Variants in CALCR observed in about 807,000 individuals in gnomAD.
The protein encoded by CALCR is calcitonin receptor.
Under a neutral mutation model 59.5 loss-of-function variants are expected in CALCR, and 47 were observed. The observed-to-expected ratio is 0.79, with a 90% confidence interval of 0.63 to 1.01. The LOEUF (loss-of-function observed/expected upper bound fraction) is 1.01. CALCR is among the 50% of genes least tolerant of loss of function. CALCR has a pLI of 0.00. For synonymous variants in CALCR, 213 were observed against 211.3 expected, an observed-to-expected ratio of 1.01 and a Z score of -0.07; for missense variants, 566 against 597.1, an observed-to-expected ratio of 0.95 and a Z score of 0.54.
chr7:93,516,880 G>A (rs988075801), intron 2 of CALCR, among the ~76,000 whole-genome samples: 1 of 151,824 alleles, frequency 6.6e-6, no homozygotes, highest in Admixed American at 6.6e-5. Context: ...GTTTTTAGGA[G>A]ACCACTTTAA....
At chr7:93,482,436 A>C (rs1016911543) in intron 3 of CALCR, among the ~76,000 whole-genome samples, 1 of 151,844 alleles carries the variant, frequency 6.6e-6, no homozygotes, top group Admixed American at 6.6e-5. Flanking sequence ...ATGGAACATG[A>C]TGTCATATAT....
chr7:93,500,427 T>C lies in CALCR; in HGVS notation c.-26-13420A>G, dbSNP rs1801298542. On this transcript the variant is annotated intron_variant, in intron 2 of 13. Transcript: ENST00000426151. ...CATCTGGGGTGTTGTTCAACGTATT[T>C]AACAATTGTTGCCACTGCAACATCC... Among the ~76,000 whole-genome samples the C allele has an allele frequency of 2.0e-5, 3 of 152,002 alleles. No homozygotes were observed. In the South Asian group the frequency reaches 6.2e-4, roughly 31 times the overall value.
At chr7:93,496,767 C>A (rs944554546) in intron 2 of CALCR, among the ~76,000 whole-genome samples, 11 of 151,560 alleles carry the variant, frequency 7.3e-5, no homozygotes, top group Non-Finnish European at 1.5e-4. Context: ...GGCCTAGAAT[C>A]TTTTCAAATA....
intron 2 of CALCR, among the ~76,000 whole-genome samples, chr7:93,541,171 A>G (rs1277497524): frequency 6.6e-6 from 1 of 152,120 alleles, no homozygotes; most frequent in East Asian, 1.9e-4. Flanking sequence ...ATGAAACACT[A>G]AACTTATTAT....
intron 2 of CALCR, among the ~76,000 whole-genome samples, chr7:93,564,755 A>ATT (rs11413086): frequency 3.8e-4 from 56 of 147,248 alleles, no homozygotes; most frequent in South Asian, 1.3e-3. Flanking sequence ...CACCCAGCCA[A>ATT]TTTTTTTTTT....
intron 2 of CALCR, among the ~76,000 whole-genome samples, chr7:93,491,444 G>T (rs1801074699): frequency 6.6e-6 from 1 of 152,000 alleles, no homozygotes; most frequent in Non-Finnish European, 1.5e-5. Flanking sequence ...CGCAGCAAAA[G>T]AAACTATCAT....
At chr7:93,541,855 A>G (rs952313372) in intron 2 of CALCR, among the ~76,000 whole-genome samples, 1 of 152,238 alleles carries the variant, frequency 6.6e-6, no homozygotes, top group Non-Finnish European at 1.5e-5. Flanking sequence ...ACAGTCTGCT[A>G]TAGGGCATTA....
intron 2 of CALCR, among the ~76,000 whole-genome samples, chr7:93,524,055 A>T (rs1317419587): frequency 1.3e-5 from 2 of 152,116 alleles, no homozygotes; most frequent in African/African-American, 4.8e-5. Context: ...TCATCATATT[A>T]GTAGTAATGT....
At chr7:93,560,299 A>G (rs1789715858) in intron 2 of CALCR, among the ~76,000 whole-genome samples, 2 of 152,090 alleles carry the variant, frequency 1.3e-5, no homozygotes, top group Admixed American at 1.3e-4. Context: ...AATTAAAACA[A>G]TGCTCTACCC....
intron 2 of CALCR, among the ~76,000 whole-genome samples, chr7:93,506,291 G>T (rs1183574646): frequency 6.6e-6 from 1 of 152,122 alleles, no homozygotes; most frequent in African/African-American, 2.4e-5. Flanking sequence ...ACTGAAGGAG[G>T]ATTAGGTTTT....
At chr7:93,562,972 T>A (rs186182920) in intron 2 of CALCR, among the ~76,000 whole-genome samples, 2 of 152,096 alleles carry the variant, frequency 1.3e-5, no homozygotes, top group Non-Finnish European at 2.9e-5. Context: ...AAAATTACAT[T>A]AGAAAAGAAA....
At chr7:93,428,233 T>C (rs1799572374) in intron 13 of CALCR, among the ~76,000 whole-genome samples, 1 of 152,226 alleles carries the variant, frequency 6.6e-6, no homozygotes, top group Non-Finnish European at 1.5e-5. Context: ...GTGATTTGTA[T>C]TAACTTATTT....
At chr7:93,494,678 T>C (rs560818749) in intron 2 of CALCR, among the ~76,000 whole-genome samples, 2 of 151,438 alleles carry the variant, frequency 1.3e-5, no homozygotes, top group African/African-American at 2.4e-5. Context: ...CTTGTAGATA[T>C]ATGGTTTTTT....
intron 3 of CALCR, chr7:93,482,684 T>C (rs1016965205): frequency 6.4e-6 from 3 of 470,900 alleles, no homozygotes; most frequent in Admixed American, 4.7e-5. Flanking sequence ...TTTGCTTTAA[T>C]GCAGTTTTAA....
At chr7:93,498,283 A>T (rs1052370146) in intron 2 of CALCR, among the ~76,000 whole-genome samples, 1 of 151,716 alleles carries the variant, frequency 6.6e-6, no homozygotes, top group South Asian at 2.1e-4. Context: ...CTCAATAAGC[A>T]TTCAATGAAT....
chr7:93,430,320 A>G (rs1050791449), intron 13 of CALCR, among the ~76,000 whole-genome samples: 3 of 152,200 alleles, frequency 2.0e-5, no homozygotes, highest in Non-Finnish European at 4.4e-5. Flanking sequence ...AATATTATTT[A>G]CAAAGTTGTT....
rs1466204522 is a variant in CALCR, at chr7:93,477,653, C to T, written c.221G>A (p.Arg74His). The change falls in exon 5 of 14, where the codon CGC becomes CAC. Residue 74 changes from arginine (R) to histidine (H), a missense_variant. Coordinates refer to ENST00000426151, the MANE Select transcript of CALCR (RefSeq NM_001742.4). ...AYQGEGPYCNRTWDGWLCWDD... is the reference protein window; with the variant it reads ...AYQGEGPYCNHTWDGWLCWDD... ...CCAGCACAGCCATCCATCCCAGGTGCGATTGCAATATGGACCTGGCCATTT... is the reference window on the plus strand; with the variant it reads ...CCAGCACAGCCATCCATCCCAGGTGTGATTGCAATATGGACCTGGCCATTT... The T allele has an allele frequency of 8.1e-6, 13 of 1,608,630 alleles. No homozygotes were observed. Among genetic ancestry groups the T allele is most frequent in the East Asian group, 4.5e-5 (2 of 44,640 alleles).
At chr7:93,467,861 A>T (rs901574195) in intron 7 of CALCR, among the ~76,000 whole-genome samples, 1 of 151,584 alleles carries the variant, frequency 6.6e-6, no homozygotes, top group Non-Finnish European at 1.5e-5. Flanking sequence ...GTCAGACATG[A>T]ATCCAGGCAC....
intron 2 of CALCR, among the ~76,000 whole-genome samples, chr7:93,499,255 A>G (rs1801273040): frequency 6.6e-6 from 1 of 151,718 alleles, no homozygotes; most frequent in Non-Finnish European, 1.5e-5. Context: ...TTTACAAAAT[A>G]TGATCTCTGT....
Sources: gnomAD v4.1 joint callset for allele counts (sites outside exome capture counted in the v4.1 genomes callset) on GRCh38, gnomAD v4.1.1 for gene constraint, MANE v1.5 for transcripts, NCBI Gene and HGNC (gene_info 2026-07-23, HGNC 2026-07-21) for gene names.